NUDCD1: variants seen among roughly 807,000 people sequenced by gnomAD.
The protein encoded by NUDCD1 is NudC domain containing 1.
Under a neutral mutation model 67.8 loss-of-function variants are expected in NUDCD1, and 60 were observed. The observed-to-expected ratio is 0.88, with a 90% CI of 0.72 to 1.10. NUDCD1 has a LOEUF of 1.10. NUDCD1 is among the 50% of genes least tolerant of loss of function. NUDCD1 has a pLI of 0.00. For missense variants in NUDCD1, 643 were observed against 695.0 expected, an observed-to-expected ratio of 0.93 and a Z score of 0.84; for synonymous variants, 244 against 230.8, an observed-to-expected ratio of 1.06 and a Z score of -0.52.
At chr8:109,298,191 C>T (rs1814887797) in intron 2 of NUDCD1, among the ~76,000 whole-genome samples, 1 of 152,098 alleles carries the variant, frequency 6.6e-6, no homozygotes, top group Non-Finnish European at 1.5e-5. Context: ...GATCTAAAAC[C>T]ACAAGCAAGA....
chr8:109,247,500 T>C (rs1813526291), intron 8 of NUDCD1, among the ~76,000 whole-genome samples: 3 of 152,166 alleles, frequency 2.0e-5, no homozygotes, highest in African/African-American at 4.8e-5. Context: ...AGAATGAAGG[T>C]AGGTGCCTTA....
chr8:109,290,786 T>C (rs1388634449), intron 4 of NUDCD1, among the ~76,000 whole-genome samples: 1 of 152,180 alleles, frequency 6.6e-6, no homozygotes, highest in Non-Finnish European at 1.5e-5. Flanking sequence ...GTTATACTTG[T>C]AGGCTTCATA....
chr8:109,328,971 T>C (rs1182696401), intron 1 of NUDCD1, among the ~76,000 whole-genome samples: 2 of 152,092 alleles, frequency 1.3e-5, no homozygotes, highest in Admixed American at 6.6e-5. Flanking sequence ...CAGAACAAGA[T>C]GTAAAAACAA....
At chr8:109,271,898 G>GA (rs1239428888) in intron 7 of NUDCD1, among the ~76,000 whole-genome samples, 2 of 151,176 alleles carry the variant, frequency 1.3e-5, no homozygotes, top group Admixed American at 6.6e-5. Flanking sequence ...AGGTGTAAGA[G>GA]AAAAAAACAA....
rs571399519 is a variant in NUDCD1 at position 109,267,494 on chromosome 8, A to G, written c.1299+3511T>C. Among the ~76,000 whole-genome samples the G allele has an allele frequency of 8.5e-5, 13 of 152,356 alleles. No homozygotes were observed. The East Asian group carries it at 1.5e-3, about 18-fold the overall frequency. ...GTGGAAAGTAGTTTGGAGATTTCTC[A>G]AAGAACTCAAAGCAGAATTATCGTC... On this transcript the variant is annotated intron_variant, in intron 8 of 9. Transcript: ENST00000239690.
At chr8:109,321,934 T>C (rs1433395043) in intron 2 of NUDCD1, among the ~76,000 whole-genome samples, 1 of 152,152 alleles carries the variant, frequency 6.6e-6, no homozygotes, top group Non-Finnish European at 1.5e-5. Flanking sequence ...CAATCCTAAA[T>C]GTTTGTACCA....
intron 3 of NUDCD1, among the ~76,000 whole-genome samples, chr8:109,294,281 T>C (rs1424716105): frequency 3.3e-5 from 5 of 152,030 alleles, no homozygotes; most frequent in African/African-American, 4.8e-5. Flanking sequence ...TCCCCACATA[T>C]CTACTTCTAC....
At chr8:109,324,948 G>A (rs1815637776) in intron 1 of NUDCD1, among the ~76,000 whole-genome samples, 1 of 152,102 alleles carries the variant, frequency 6.6e-6, no homozygotes, top group East Asian at 1.9e-4. Flanking sequence ...AAATTAGCTG[G>A]GTGTGACAGT....
At position 109,289,761 on chromosome 8, in the gene NUDCD1, C is replaced by T. The variant is rs1370565153; in HGVS notation, c.813G>A (p.Glu271=). ...AAGAATAAAAATTACCTTTGATTTT[C>T]TCTGATATGTCTTCATCCATATTTT... ...LEENMDEDIS[E]KIKEPLYYWQ... Residue 271 remains glutamate, a synonymous_variant, in exon 5 of 10, where the codon GAG becomes GAA. Coordinates refer to ENST00000239690, the MANE Select transcript of NUDCD1 (RefSeq NM_032869.4). The T allele has an allele frequency of 6.8e-7, 1 of 1,473,626 alleles. No individual in the cohort carries two copies. The highest frequency in any genetic ancestry group is 1.2e-5 in the South Asian group (1 of 83,312). 91.3% of individuals were successfully genotyped at this position (1,473,626 alleles called of 1,614,324 possible).
chr8:109,300,069 G>A (rs1423102178), intron 2 of NUDCD1, among the ~76,000 whole-genome samples: 1 of 152,206 alleles, frequency 6.6e-6, no homozygotes, highest in Non-Finnish European at 1.5e-5. Context: ...ACTACGTCAA[G>A]GGAACACCAT....
chr8:109,260,001 G>C lies in NUDCD1; in HGVS notation c.1299+11004C>G, dbSNP rs1156905607. ...GACACAATAAAAATATCAAAAAACAGTATGAATATTTACCAGATTTTTATG... is the reference window on the plus strand; with the variant it reads ...GACACAATAAAAATATCAAAAAACACTATGAATATTTACCAGATTTTTATG... On this transcript the variant is annotated intron_variant, in intron 8 of 9. Coordinates refer to ENST00000239690, the MANE Select transcript of NUDCD1 (RefSeq NM_032869.4). Among the ~76,000 whole-genome samples, 3 of 152,090 alleles carry C rather than the reference G, an allele frequency of 2.0e-5. No individual in the cohort carries two copies. The East Asian group carries it at 5.8e-4, about 29-fold the overall frequency.
chr8:109,282,633 T>C (rs1403329539), intron 5 of NUDCD1, among the ~76,000 whole-genome samples: 2 of 135,676 alleles, frequency 1.5e-5, no homozygotes, highest in African/African-American at 2.8e-5. Context: ...AGTTGAACAA[T>C]GAGAACTCAT....
Position 109,242,686 on chromosome 8 carries a change from T to A in NUDCD1, c.*323A>T, listed in dbSNP as rs909790372. 3 of 185,050 alleles carry A rather than the reference T, an allele frequency of 1.6e-5. No homozygotes were observed. The Admixed American group carries it at 1.6e-4, about 10-fold the overall frequency. 11.5% of individuals were successfully genotyped at this position (185,050 alleles called of 1,614,324 possible). On this transcript the variant is annotated 3_prime_UTR_variant, in exon 10 of 10. Transcript: ENST00000239690. Reference sequence around the variant, plus strand: ...ATCAACGAACAGAGTACACAATAAATATTTTTATTTTTAAACACTGAATTG... The same window carrying A: ...ATCAACGAACAGAGTACACAATAAAAATTTTTATTTTTAAACACTGAATTG...
intron 8 of NUDCD1, among the ~76,000 whole-genome samples, chr8:109,257,991 T>C (rs968601124): frequency 6.6e-6 from 1 of 152,134 alleles, no homozygotes; most frequent in African/African-American, 2.4e-5. Context: ...TGACATATTT[T>C]TGAAAAATAG....
chr8:109,257,335 CAAAAT>C (rs1415938881), intron 8 of NUDCD1, among the ~76,000 whole-genome samples: 2 of 151,880 alleles, frequency 1.3e-5, no homozygotes, highest in African/African-American at 4.8e-5. Flanking sequence ...ACATAATACA[CAAAAT>C]AAATTGGGAA....
At chr8:109,265,004 T>G (rs1390068845) in intron 8 of NUDCD1, among the ~76,000 whole-genome samples, 1 of 151,952 alleles carries the variant, frequency 6.6e-6, no homozygotes, top group Non-Finnish European at 1.5e-5. Flanking sequence ...AAAAATTAAG[T>G]ACACCAAAAA....
In NUDCD1 at chr8:109,275,509, A is replaced by G. The variant is rs202177273; in HGVS notation, c.1029-13T>C. 1.4e-4 allele frequency: 228 copies of G among 1,603,000 alleles called. 1 individual carries two copies. The African/African-American group carries it at 2.8e-3, about 20-fold the overall frequency. On this transcript the variant is annotated splice_polypyrimidine_tract_variant and intron_variant, in intron 6 of 9. Coordinates refer to ENST00000239690, the MANE Select transcript of NUDCD1 (RefSeq NM_032869.4). ...GGAAATCTCCAAGCTAGAAGTTTAA[A>G]TGGGAAAAGTAATGTTACATTAAGC...
chr8:109,314,777 C>T (rs978249886), intron 2 of NUDCD1, among the ~76,000 whole-genome samples: 12 of 151,804 alleles, frequency 7.9e-5, no homozygotes, highest in African/African-American at 2.9e-4. Flanking sequence ...ATAAATGACA[C>T]TGTAAATAAA....
intron 2 of NUDCD1, among the ~76,000 whole-genome samples, chr8:109,297,025 A>G (rs572627020): frequency 4.2e-4 from 64 of 152,308 alleles, no homozygotes; most frequent in Non-Finnish European, 7.5e-4. Flanking sequence ...CTCATGAAAA[A>G]ATCATGAGCC....
Sources: gnomAD v4.1 joint callset for allele counts (sites outside exome capture counted in the v4.1 genomes callset) on GRCh38, gnomAD v4.1.1 for gene constraint, MANE v1.5 for transcripts, NCBI Gene and HGNC (gene_info 2026-07-23, HGNC 2026-07-21) for gene names.